MYO1D: variants seen among roughly 807,000 people sequenced by gnomAD.
MYO1D encodes the protein myosin ID.
Under a neutral mutation model 122.0 loss-of-function variants are expected in MYO1D, and 83 were observed. The observed-to-expected ratio is 0.68, with a 90% CI of 0.57 to 0.82. MYO1D has a LOEUF of 0.82. Ranked by LOEUF, MYO1D falls within the 40% of genes least tolerant of loss-of-function variation. The pLI is 0.00. For missense variants in MYO1D, 1,157 were observed against 1,269.5 expected (o/e 0.91, Z 1.35); for synonymous variants, 464 against 446.9 (o/e 1.04, Z -0.48).
intron 20 of MYO1D, among the ~76,000 whole-genome samples, chr17:32,626,073 A>G (rs1229527481): frequency 6.6e-6 from 1 of 152,228 alleles, no homozygotes; most frequent in Non-Finnish European, 1.5e-5. Flanking sequence ...GGGCTGCCAC[A>G]GTGAGCAACC....
At chr17:32,682,152 C>T (rs1375009024) in intron 16 of MYO1D, among the ~76,000 whole-genome samples, 19 of 137,802 alleles carry the variant, frequency 1.4e-4, no homozygotes, top group Non-Finnish European at 1.4e-4. Context: ...TGTCTCTGCA[C>T]GTGAGATGGG....
intron 14 of MYO1D, among the ~76,000 whole-genome samples, chr17:32,723,631 G>A (rs2089537916): frequency 6.6e-6 from 1 of 152,120 alleles, no homozygotes; most frequent in Non-Finnish European, 1.5e-5. Context: ...CCATCCTCGA[G>A]AGGGTCTGCC....
intron 16 of MYO1D, among the ~76,000 whole-genome samples, chr17:32,688,184 C>T (rs942661931): frequency 2.0e-5 from 3 of 152,188 alleles, no homozygotes; most frequent in African/African-American, 7.2e-5. Context: ...TCCTTGCCCA[C>T]TCAAGAAAGC....
At chr17:32,840,610 G>A (rs1598146256) in intron 1 of MYO1D, among the ~76,000 whole-genome samples, 1 of 152,190 alleles carries the variant, frequency 6.6e-6, no homozygotes, top group East Asian at 1.9e-4. Flanking sequence ...TTACTCTCTC[G>A]TCTTTCTTTC....
intron 1 of MYO1D, among the ~76,000 whole-genome samples, chr17:32,821,566 ACAT>A (rs2090665551): frequency 6.6e-6 from 1 of 152,006 alleles, no homozygotes; most frequent in Non-Finnish European, 1.5e-5. Flanking sequence ...ACACACACAC[ACAT>A]CTTTGACTGG....
chr17:32,596,143 TA>T (rs2087490105), intron 21 of MYO1D, among the ~76,000 whole-genome samples: 1 of 152,214 alleles, frequency 6.6e-6, no homozygotes, highest in African/African-American at 2.4e-5. Context: ...TCAAATACCC[TA>T]AATTTGATGG....
chr17:32,510,250 A>G (rs1174234378), intron 21 of MYO1D: 5 of 152,236 alleles, frequency 3.3e-5, no homozygotes, highest in Non-Finnish European at 7.3e-5. Context: ...CCTCTGCAGC[A>G]TGGAATTCTT....
In MYO1D at chr17:32,687,938, A is replaced by G. The variant is rs147697122; in HGVS notation, c.2121+24050T>C. Among the ~76,000 whole-genome samples the G allele has an allele frequency of 1.4e-4, 22 of 152,302 alleles. No homozygotes were observed. The East Asian group carries it at 4.2e-3, about 29-fold the overall frequency. On this transcript the variant is annotated intron_variant, in intron 16 of 21. Coordinates refer to ENST00000318217, the MANE Select transcript of MYO1D (RefSeq NM_015194.3). ...AGGATTCTGCTGCCCTCCATAATTT[A>G]TAATCTAGCTGAAGAGATCAGACAC...
At chr17:32,867,219 G>C (rs934149254) in intron 1 of MYO1D, among the ~76,000 whole-genome samples, 1 of 150,512 alleles carries the variant, frequency 6.6e-6, no homozygotes, top group East Asian at 2.0e-4. Context: ...CCAGCTACTC[G>C]GGAGGCTGAG....
intron 21 of MYO1D, among the ~76,000 whole-genome samples, chr17:32,562,087 T>G (rs2087131494): frequency 6.6e-6 from 1 of 151,576 alleles, no homozygotes; most frequent in Non-Finnish European, 1.5e-5. Flanking sequence ...GCCTCCTGGG[T>G]TTAAGCCACT....
At chr17:32,799,533 T>A (rs1049200088) in intron 1 of MYO1D, among the ~76,000 whole-genome samples, 1 of 151,956 alleles carries the variant, frequency 6.6e-6, no homozygotes, top group Non-Finnish European at 1.5e-5. Flanking sequence ...AAGAATCAAT[T>A]AAAAATGGAT....
At chr17:32,656,389 G>C (rs2088476994) in intron 17 of MYO1D, among the ~76,000 whole-genome samples, 1 of 151,576 alleles carries the variant, frequency 6.6e-6, no homozygotes, top group African/African-American at 2.4e-5. Context: ...AGCTGATGGG[G>C]AAGCGGCTCA....
chr17:32,764,992 CTTAG>C lies in MYO1D; in HGVS notation c.917_920del (p.Thr306ArgfsTer110). 6.2e-7 allele frequency: 1 copy of C among 1,614,134 alleles called. No homozygotes were observed. The highest frequency in any genetic ancestry group is 8.5e-7 in the Non-Finnish European group (1 of 1,180,018). ...GAAGGGCTTTCTCAACCATATCTGT[CTTAG>C]TAGAGAGCAATTCTGCTATGATAGA... On this transcript the variant is annotated frameshift_variant, in exon 8 of 22. Coordinates refer to ENST00000318217, the MANE Select transcript of MYO1D (RefSeq NM_015194.3). LOFTEE classifies it high-confidence loss of function.
intron 1 of MYO1D, among the ~76,000 whole-genome samples, chr17:32,835,284 G>A (rs766389067): frequency 1.3e-5 from 2 of 151,518 alleles, no homozygotes; most frequent in Non-Finnish European, 2.9e-5. Context: ...CCCCTTCTGT[G>A]AAGCTCTCTC....
chr17:32,629,487 C>G (rs1285855007), intron 20 of MYO1D, among the ~76,000 whole-genome samples: 2 of 152,126 alleles, frequency 1.3e-5, no homozygotes, highest in East Asian at 3.9e-4. Flanking sequence ...GTAATCCCAG[C>G]ACTTTGGGAG....
intron 14 of MYO1D, among the ~76,000 whole-genome samples, chr17:32,729,782 G>A (rs371277560): frequency 6.6e-6 from 1 of 152,232 alleles, no homozygotes; most frequent in East Asian, 1.9e-4. Context: ...ACTGTAGTTT[G>A]GTCTGGAATC....
chr17:32,664,274 C>G (rs542458951), intron 16 of MYO1D, among the ~76,000 whole-genome samples: 1 of 152,080 alleles, frequency 6.6e-6, no homozygotes, highest in African/African-American at 2.4e-5. Context: ...GTTTTCCCAC[C>G]AAGGGTCTGC....
chr17:32,780,645 A>G lies in MYO1D; in HGVS notation c.235T>C (p.Phe79Leu), dbSNP rs1258956225. The G allele has an allele frequency of 6.2e-7, 1 of 1,614,130 alleles. No homozygotes were observed. ...TTGTAAGCAGCATCCGCAATAGCAA[A>G]AAGGTGAGGCGGTCTCTCATACAGC... is the stretch of plus-strand genomic sequence containing the variant. ...RELYERPPHLFAIADAAYKAM... is the reference protein window; with the variant it reads ...RELYERPPHLLAIADAAYKAM... The change falls in exon 2 of 22, where the codon TTT (phenylalanine) becomes CTT (leucine). Residue 79 changes from phenylalanine to leucine, a missense_variant. Coordinates refer to ENST00000318217, the MANE Select transcript of MYO1D (RefSeq NM_015194.3).
At chr17:32,755,407 C>T in intron 11 of MYO1D, 85 bp downstream of exon 11, 3 of 1,361,972 alleles carry the variant, frequency 2.2e-6, no homozygotes, top group Non-Finnish European at 3.0e-6. Context: ...ATTCTTTTAT[C>T]CCAACATATA....
Sources: allele counts gnomAD v4.1 joint callset (sites outside exome capture counted in the v4.1 genomes callset), GRCh38; gene constraint gnomAD v4.1.1; transcripts MANE v1.5; gene names NCBI Gene and HGNC (gene_info 2026-07-23, HGNC 2026-07-21).